Variants in CLASP1 observed in about 807,000 individuals in gnomAD.
CLASP1 encodes the protein CLIP-associating protein 1.
In CLASP1, 38 loss-of-function variants were observed where a neutral mutation model predicts 192.3. The ratio of observed to expected loss-of-function variants is 0.20; its 90% confidence interval spans 0.15 to 0.26. The LOEUF is 0.26. CLASP1 is among the 10% of genes least tolerant of loss of function. CLASP1 has a pLI of 1.00. For missense variants in CLASP1, 1,433 were observed against 1,932.5 expected, an observed-to-expected ratio of 0.74 and a Z score of 4.85; for synonymous variants, 691 against 712.8, an observed-to-expected ratio of 0.97 and a Z score of 0.49.
At chr2:121,548,695 C>T (rs1311069641) in intron 2 of CLASP1, among the ~76,000 whole-genome samples, 2 of 151,902 alleles carry the variant, frequency 1.3e-5, no homozygotes, top group African/African-American at 4.8e-5. Flanking sequence ...GGAACCCTGT[C>T]AGGCTTACAA....
At chr2:121,374,442 CCA>C (rs1491492431) in intron 34 of CLASP1, among the ~76,000 whole-genome samples, 1 of 152,224 alleles carries the variant, frequency 6.6e-6, no homozygotes. Flanking sequence ...GTTGGAGCCC[CCA>C]CAGAGTCCCC....
rs184228168 is a variant in CLASP1, at chr2:121,631,356, T to C, written c.-286+18016A>G. ...ATGCTGGAGTGCACTGGTACGATCT[T>C]GGCTCACTGCAACTTCCGCCTCCTA... is the stretch of plus-strand genomic sequence containing the variant. On this transcript the variant is annotated intron_variant, in intron 1 of 39. Transcript: ENST00000263710. Among the ~76,000 whole-genome samples, 96 of 148,694 alleles carry C rather than the reference T, an allele frequency of 6.5e-4. 1 individual carries two copies. Among genetic ancestry groups the C allele is most frequent in the African/African-American group, 2.3e-3 (92 of 40,404 alleles).
chr2:121,382,116 G>T, intron 33 of CLASP1, 92 bp downstream of exon 34: 1 of 934,354 alleles, frequency 1.1e-6, no homozygotes, highest in Non-Finnish European at 1.7e-6. Context: ...CACACTGGAG[G>T]CAGCTTAGAG....
chr2:121,499,001 A>T (rs1210291893), intron 8 of CLASP1, among the ~76,000 whole-genome samples: 3 of 152,228 alleles, frequency 2.0e-5, no homozygotes, highest in Admixed American at 6.5e-5. Flanking sequence ...AAAACTGGAA[A>T]ACTGTGTGTT....
chr2:121,616,688 G>T (rs529111168), intron 1 of CLASP1, among the ~76,000 whole-genome samples: 1 of 152,102 alleles, frequency 6.6e-6, no homozygotes, highest in African/African-American at 2.4e-5. Context: ...GATCGAAAAC[G>T]AAGAAAGACG....
At chr2:121,584,840 G>C (rs909868678) in intron 2 of CLASP1, among the ~76,000 whole-genome samples, 5 of 152,132 alleles carry the variant, frequency 3.3e-5, no homozygotes, top group Admixed American at 2.0e-4. Context: ...ACCACTGTTT[G>C]GCTGTTTGGG....
intron 19 of CLASP1, among the ~76,000 whole-genome samples, chr2:121,438,093 AAC>A (rs1017314557): frequency 1.3e-5 from 2 of 152,222 alleles, no homozygotes; most frequent in Admixed American, 6.5e-5. Context: ...TAATGGATAT[AAC>A]ACAGAGTATG....
At chr2:121,469,660 G>T in intron 9 of CLASP1, 148 bp downstream of exon 9, 2 of 727,064 alleles carry the variant, frequency 2.8e-6, no homozygotes, top group Non-Finnish European at 2.1e-6. Flanking sequence ...GTATCGCAAT[G>T]CTAATTCAAT....
chr2:121,559,888 CATCATT>C (rs199958171), intron 2 of CLASP1, among the ~76,000 whole-genome samples: 20 of 152,166 alleles, frequency 1.3e-4, no homozygotes, highest in East Asian at 7.7e-4. Context: ...TTATCATCAT[CATCATT>C]ATCATCATCA....
At chr2:121,454,082 G>C (rs931909289) in intron 14 of CLASP1, among the ~76,000 whole-genome samples, 1 of 152,092 alleles carries the variant, frequency 6.6e-6, no homozygotes, top group Non-Finnish European at 1.5e-5. Context: ...TAACTGTAGG[G>C]TGCTACTCAT....
intron 18 of CLASP1, 114 bp from the exon 19 acceptor site, chr2:121,447,621 T>C: frequency 2.2e-6 from 2 of 901,522 alleles, no homozygotes; most frequent in South Asian, 3.6e-5. Flanking sequence ...TTTTAACAAA[T>C]GCTGGAGCAT....
intron 8 of CLASP1, among the ~76,000 whole-genome samples, chr2:121,478,850 A>C (rs2092174072): frequency 2.2e-5 from 2 of 92,530 alleles, no homozygotes; most frequent in Admixed American, 1.2e-4. Flanking sequence ...CACACACACC[A>C]CACACCACAC....
At chr2:121,387,953 T>C in intron 30 of CLASP1, 47 bp from the exon 32 acceptor site, 3 of 1,404,654 alleles carry the variant, frequency 2.1e-6, no homozygotes, top group African/African-American at 1.4e-5. Flanking sequence ...CAATAGGTCA[T>C]CAAAATGTTG....
intron 2 of CLASP1, among the ~76,000 whole-genome samples, chr2:121,567,586 G>A (rs1350183020): frequency 3.9e-5 from 6 of 152,204 alleles, no homozygotes; most frequent in South Asian, 4.1e-4. Flanking sequence ...TGTACGACAC[G>A]AGGTCCTCCC....
chr2:121,397,556 A>G (rs1344370074), intron 29 of CLASP1, among the ~76,000 whole-genome samples: 1 of 152,230 alleles, frequency 6.6e-6, no homozygotes, highest in African/African-American at 2.4e-5. Flanking sequence ...CTATGCTGCA[A>G]GACACTTCCA....
chr2:121,353,817 G>T (rs2149170730), intron 37 of CLASP1, among the ~76,000 whole-genome samples: 1 of 152,274 alleles, frequency 6.6e-6, no homozygotes, highest in South Asian at 2.1e-4. Context: ...CACAGATAGG[G>T]TCTTGCTCTG....
chr2:121,542,494 C>T (rs1395792158), intron 2 of CLASP1, among the ~76,000 whole-genome samples: 1 of 152,044 alleles, frequency 6.6e-6, no homozygotes, highest in Non-Finnish European at 1.5e-5. Flanking sequence ...ACACAAATAC[C>T]CCCTCAAGAA....
rs546499058 is a variant in CLASP1 at position 121,555,986 on chromosome 2, C to T, written c.196-25661G>A. Reference sequence around the variant, plus strand: ...GCCACGGCGCCTGCCCCCTACCCACCGCTTTTTTTTTTTTTTTTTTTTTTT... The same window carrying T: ...GCCACGGCGCCTGCCCCCTACCCACTGCTTTTTTTTTTTTTTTTTTTTTTT... On this transcript the variant is annotated intron_variant, in intron 2 of 39. Transcript: ENST00000263710. Among the ~76,000 whole-genome samples the T allele has an allele frequency of 5.8e-5, 7 of 120,262 alleles. No individual in the cohort carries two copies. The South Asian group carries it at 8.4e-4, about 14-fold the overall frequency. 78.9% of individuals were successfully genotyped at this position (120,262 alleles called of 152,430 possible).
chr2:121,624,603 A>G (rs2067980929), intron 1 of CLASP1, among the ~76,000 whole-genome samples: 1 of 152,006 alleles, frequency 6.6e-6, no homozygotes, highest in East Asian at 1.9e-4. Context: ...TTTTTAGTAG[A>G]ATGGGGTTTC....
Sources: allele counts gnomAD v4.1 joint callset (sites outside exome capture counted in the v4.1 genomes callset), GRCh38; gene constraint gnomAD v4.1.1; transcripts MANE v1.5; gene names NCBI Gene and HGNC (gene_info 2026-07-23, HGNC 2026-07-21).